Variants in NPEPPS observed in about 807,000 individuals in gnomAD.
The protein encoded by NPEPPS is aminopeptidase puromycin sensitive, also known as puromycin-sensitive aminopeptidase.
NPEPPS carries 14 observed loss-of-function variants against 115.5 expected under a neutral mutation model. The ratio of observed to expected loss-of-function variants is 0.12; its 90% CI spans 0.08 to 0.19. The LOEUF (loss-of-function observed/expected upper bound fraction) is 0.19, where lower values mean the gene tolerates loss of function less well. NPEPPS is among the 10% of genes least tolerant of loss of function. NPEPPS has a pLI of 1.00. For missense variants in NPEPPS, 523 were observed against 1,110.8 expected, an observed-to-expected ratio of 0.47 and a Z score of 7.52; for synonymous variants, 285 against 390.6, an observed-to-expected ratio of 0.73 and a Z score of 3.19.
At chr17:47,553,760 T>C (rs1327240529) in intron 2 of NPEPPS, among the ~76,000 whole-genome samples, 1 of 130,182 alleles carries the variant, frequency 7.7e-6, no homozygotes, top group Non-Finnish European at 1.8e-5. Flanking sequence ...TCTCTCTCTC[T>C]TTTTTTTTTT....
chr17:47,531,593 C>G, intron 1 of NPEPPS, 38 bp downstream of exon 1: 1 of 1,561,294 alleles, frequency 6.4e-7, no homozygotes, highest in Non-Finnish European at 8.7e-7. Flanking sequence ...AGCTGCGGGG[C>G]GAGCAGTTAG....
intron 17 of NPEPPS, among the ~76,000 whole-genome samples, chr17:47,606,773 C>T (rs1272832670): frequency 7.3e-5 from 1 of 13,688 alleles, no homozygotes; most frequent in Non-Finnish European, 1.9e-4. Flanking sequence ...TAGTAAATGC[C>T]ATATACTATT....
rs557746672 is a variant in NPEPPS at position 47,583,486 on chromosome 17, G to A, written c.648+637G>A. 1.3e-4 allele frequency among the ~76,000 whole-genome samples: 20 copies of A among 152,058 alleles called. No homozygotes were observed. The South Asian group carries it at 2.9e-3, about 22-fold the overall frequency. On this transcript the variant is annotated intron_variant, in intron 5 of 22. Coordinates refer to ENST00000322157, the MANE Select transcript of NPEPPS (RefSeq NM_006310.4). ...TGTAGTCCCAGCTAGTTGGGAGGCCGAGGTGGGAGGATCACTTGAACCCAG... is the reference window on the plus strand; with the variant it reads ...TGTAGTCCCAGCTAGTTGGGAGGCCAAGGTGGGAGGATCACTTGAACCCAG...
chr17:47,536,294 G>A (rs1215766361), intron 1 of NPEPPS, among the ~76,000 whole-genome samples: 2 of 151,702 alleles, frequency 1.3e-5, no homozygotes, highest in African/African-American at 4.8e-5. Context: ...TGCCAATATA[G>A]TAGTTTGTTT....
Position 47,559,047 on chromosome 17 carries a change from G to GA in NPEPPS, c.341-10354dup, listed in dbSNP as rs200447312. ...AGCGAGACTCCATCTCAAAAAAGAG[G>GA]AAAAAAAAAAAAAAAAGATAGGGTC... is the stretch of plus-strand genomic sequence containing the variant. On this transcript the variant is annotated intron_variant, in intron 2 of 22. Coordinates refer to ENST00000322157, the MANE Select transcript of NPEPPS (RefSeq NM_006310.4). 6.2e-3 allele frequency among the ~76,000 whole-genome samples: 811 copies of GA among 130,064 alleles called. 3 individuals are homozygous for GA. The highest frequency in any genetic ancestry group is 9.0e-3 in the Non-Finnish European group (536 of 59,232). 85.3% of individuals were successfully genotyped at this position (130,064 alleles called of 152,430 possible).
intron 1 of NPEPPS, among the ~76,000 whole-genome samples, chr17:47,533,787 A>G (rs1461451160): frequency 6.6e-6 from 1 of 152,168 alleles, no homozygotes; most frequent in Non-Finnish European, 1.5e-5. Context: ...GATGCAAGGA[A>G]ATAAATAAAA....
chr17:47,556,088 T>C lies in NPEPPS; in HGVS notation c.340+10095T>C, dbSNP rs867282275. On this transcript the variant is annotated intron_variant, in intron 2 of 22. Coordinates refer to ENST00000322157, the MANE Select transcript of NPEPPS (RefSeq NM_006310.4). ...AAGCAATTCTCTTTTTTTTTTTTTT[T>C]TTTTTTAATTCATCATTCTTGGGTG... 2.3e-3 allele frequency among the ~76,000 whole-genome samples: 337 copies of C among 149,088 alleles called. 4 individuals carry two copies. The highest frequency in any genetic ancestry group is 8.0e-3 in the African/African-American group (325 of 40,748).
intron 8 of NPEPPS, chr17:47,586,760 T>C (rs1213147859): frequency 1.5e-5 from 7 of 464,672 alleles, no homozygotes; most frequent in East Asian, 6.4e-5. Flanking sequence ...AACATGTGAG[T>C]TGAATAACTT....
At position 47,585,507 on chromosome 17, in the gene NPEPPS, T is replaced by C. The variant is rs1189899043; in HGVS notation, c.656T>C (p.Ile219Thr). 1 of 1,612,052 alleles carries C rather than the reference T, an allele frequency of 6.2e-7. No homozygotes were observed. The highest frequency in any genetic ancestry group is 8.5e-7 in the Non-Finnish European group (1 of 1,178,132). Residue 219 changes from isoleucine to threonine, a missense_variant, in exon 6 of 23, where the codon ATT (isoleucine) becomes ACT (threonine). Ile to Thr is a moderately conservative substitution (Grantham distance 89). This residue lies in a region of NPEPPS where 144 missense variants were observed against 512.4 expected (regional missense o/e 0.28). Coordinates refer to ENST00000322157, the MANE Select transcript of NPEPPS (RefSeq NM_006310.4). ...TTTTTTTATTTCTTAAAGAATGTAA[T>C]TGACCGGAAACCATACCCTGATGAT... ...DRVALSNMNV[I>T]DRKPYPDDEN...
intron 2 of NPEPPS, among the ~76,000 whole-genome samples, chr17:47,561,565 G>A (rs1910430566): frequency 6.6e-6 from 1 of 152,032 alleles, no homozygotes; most frequent in Admixed American, 6.6e-5. Flanking sequence ...AGTGAAAGAT[G>A]GTCTTTTGTA....
intron 1 of NPEPPS, among the ~76,000 whole-genome samples, chr17:47,538,449 G>A (rs566151037): frequency 8.4e-4 from 126 of 150,594 alleles, no homozygotes; most frequent in African/African-American, 2.8e-3. Flanking sequence ...CCCGACCTCA[G>A]GTGATCCGCC....
At chr17:47,580,259 A>G (rs1304124477) in intron 4 of NPEPPS, 1 of 152,064 alleles carries the variant, frequency 6.6e-6, no homozygotes, top group African/African-American at 2.4e-5. Context: ...CTTCTCTTTC[A>G]ATAATTTTAT....
chr17:47,591,030 G>T (rs12950002), intron 10 of NPEPPS, 149 bp downstream of exon 10: 3 of 1,298,402 alleles, frequency 2.3e-6, no homozygotes, highest in Non-Finnish European at 1.0e-6. Context: ...TGAAAAGCTA[G>T]TAAGTCTAAG....
At chr17:47,540,730 T>C (rs889377169) in intron 1 of NPEPPS, among the ~76,000 whole-genome samples, 1 of 152,234 alleles carries the variant, frequency 6.6e-6, no homozygotes, top group African/African-American at 2.4e-5. Flanking sequence ...TGTGTGTGTA[T>C]GTGTATGTCT....
chr17:47,563,978 G>A (rs977278334), intron 2 of NPEPPS, among the ~76,000 whole-genome samples: 24 of 151,988 alleles, frequency 1.6e-4, no homozygotes, highest in Admixed American at 5.9e-4. Context: ...CTGTTGCCCA[G>A]ACTGAGTGCA....
upstream of NPEPPS, among the ~76,000 whole-genome samples, chr17:47,528,982 T>C (rs1278452170): frequency 6.6e-6 from 1 of 152,078 alleles, no homozygotes; most frequent in Non-Finnish European, 1.5e-5. Context: ...GATAATATTT[T>C]GGATATGTTG....
chr17:47,568,418 G>T (rs1003944307), intron 2 of NPEPPS, among the ~76,000 whole-genome samples: 1 of 152,128 alleles, frequency 6.6e-6, no homozygotes, highest in Non-Finnish European at 1.5e-5. Context: ...TGATCCACAC[G>T]CCTCGGCCTC....
intron 1 of NPEPPS, among the ~76,000 whole-genome samples, chr17:47,544,753 GC>G (rs1466092001): frequency 8.1e-6 from 1 of 123,538 alleles, no homozygotes; most frequent in African/African-American, 3.1e-5. Flanking sequence ...TCACTCTGTC[GC>G]CCAGGCTGCA....
At chr17:47,573,539 G>A (rs540280789) in intron 3 of NPEPPS, among the ~76,000 whole-genome samples, 1 of 152,196 alleles carries the variant, frequency 6.6e-6, no homozygotes, top group Non-Finnish European at 1.5e-5. Context: ...TTTCTACAGT[G>A]AAGAGAAAAT....
Sources: allele counts gnomAD v4.1 joint callset (sites outside exome capture counted in the v4.1 genomes callset), GRCh38; gene constraint gnomAD v4.1.1; regional missense constraint gnomAD v4.1.1; transcripts MANE v1.5; gene names NCBI Gene and HGNC (gene_info 2026-07-23, HGNC 2026-07-21).